The following SORCS3 variants were observed in gnomAD, a reference collection of about 807,000 sequenced individuals.
The protein encoded by SORCS3 is VPS10 domain-containing receptor SorCS3.
Under a neutral mutation model 146.3 loss-of-function variants are expected in SORCS3, and 57 were observed. The observed-to-expected ratio is 0.39, with a 90% confidence interval of 0.31 to 0.49. SORCS3 has a LOEUF of 0.49. Among genes scored for constraint, SORCS3 ranks in the 20% least tolerant of loss-of-function variants. The probability of loss-of-function intolerance (pLI) is 0.92; values close to 1 mark genes in which losing one functional copy is unlikely to be tolerated. For missense variants in SORCS3, 1,341 were observed against 1,575.5 expected (o/e 0.85, Z 2.52); for synonymous variants, 653 against 618.5 (o/e 1.06, Z -0.83).
Position 105,074,852 on chromosome 10 carries a change from C to T in SORCS3, c.1029-14923C>T, listed in dbSNP as rs887480588. 3.9e-5 allele frequency among the ~76,000 whole-genome samples: 6 copies of T among 152,124 alleles called. No individual in the cohort carries two copies. The South Asian group carries it at 6.2e-4, about 16-fold the overall frequency. On this transcript the variant is annotated intron_variant, in intron 5 of 26. Transcript: ENST00000369701. ...CCAAAATGCATGCCCCTAGCAGTCC[C>T]GAGGCAAAGACTAGGAAATTCTGAT...
At chr10:104,763,050 GC>G in intron 1 of SORCS3, among the ~76,000 whole-genome samples, 2 of 152,302 alleles carry the variant, frequency 1.3e-5, no homozygotes, top group Middle Eastern at 6.8e-3. Flanking sequence ...GAGAACTGCT[GC>G]CTTAAATGCA....
intron 1 of SORCS3, among the ~76,000 whole-genome samples, chr10:104,694,909 G>A (rs920668237): frequency 6.6e-6 from 1 of 152,164 alleles, no homozygotes; most frequent in Admixed American, 6.5e-5. Context: ...CTCTGAAAAT[G>A]TAGGTTGTAT....
At position 104,643,709 on chromosome 10, in the gene SORCS3, G is replaced by GGTGTGTGTGTGT. The variant is rs3069967; in HGVS notation, c.627+1780_627+1791dup. On this transcript the variant is annotated intron_variant, in intron 1 of 26. Transcript: ENST00000369701. The stretch of plus-strand genomic sequence containing the variant: ...AACTTCATTTTAGTTTGATAATTAG[G>GGTGTGTGTGTGT]GTGTGTGTGTGTGTGTGTGTGTGTG... Among the ~76,000 whole-genome samples, 851 of 144,710 alleles carry GGTGTGTGTGTGT rather than the reference G, an allele frequency of 5.9e-3. 10 individuals carry two copies. The highest frequency in any genetic ancestry group is 0.018 in the African/African-American group (691 of 38,228). The allele number at this position is 144,710 out of a possible 152,430, so 94.9% of individuals were successfully genotyped here.
intron 22 of SORCS3, among the ~76,000 whole-genome samples, chr10:105,250,417 A>C (rs2056891967): frequency 6.6e-6 from 1 of 152,172 alleles, no homozygotes; most frequent in Non-Finnish European, 1.5e-5. Flanking sequence ...CAATAATAAT[A>C]ATCAGTCCTG....
intron 3 of SORCS3, among the ~76,000 whole-genome samples, chr10:104,956,412 C>A (rs2019490490): frequency 6.6e-6 from 1 of 152,202 alleles, no homozygotes; most frequent in African/African-American, 2.4e-5. Context: ...CTTGTCCTTA[C>A]ACAAACTGAT....
intron 26 of SORCS3, 97 bp from the exon 27 acceptor site, chr10:105,263,213 G>C (rs534071334): frequency 1.7e-6 from 2 of 1,176,458 alleles, no homozygotes; most frequent in East Asian, 4.9e-5. Context: ...TTAAGCACCT[G>C]TTCTGGGTGG....
chr10:104,937,180 T>TC (rs1264113712), intron 3 of SORCS3, among the ~76,000 whole-genome samples: 1 of 152,166 alleles, frequency 6.6e-6, no homozygotes, highest in Non-Finnish European at 1.5e-5. Context: ...TGCCTGATGA[T>TC]CTGACAGGAG....
intron 2 of SORCS3, among the ~76,000 whole-genome samples, chr10:104,891,168 A>G (rs1350331154): frequency 6.6e-6 from 1 of 152,144 alleles, no homozygotes; most frequent in African/African-American, 2.4e-5. Context: ...GAGGTATTCT[A>G]CCTGATTCCC....
intron 4 of SORCS3, among the ~76,000 whole-genome samples, chr10:105,013,225 AC>A (rs1187826813): frequency 6.6e-6 from 1 of 152,146 alleles, no homozygotes; most frequent in Non-Finnish European, 1.5e-5. Flanking sequence ...TTATTAGCAA[AC>A]TAGGAGATGA....
At chr10:104,994,287 G>A (rs1265188022) in intron 4 of SORCS3, among the ~76,000 whole-genome samples, 5 of 152,138 alleles carry the variant, frequency 3.3e-5, no homozygotes, top group African/African-American at 1.2e-4. Context: ...TAGGGAGGAG[G>A]TCTGACCTAT....
At chr10:104,675,329 C>T (rs1253540438) in intron 1 of SORCS3, among the ~76,000 whole-genome samples, 1 of 151,970 alleles carries the variant, frequency 6.6e-6, no homozygotes, top group Non-Finnish European at 1.5e-5. Flanking sequence ...TTGTAAGTTC[C>T]TTATTTTCTG....
chr10:104,681,107 C>T (rs2015968246), intron 1 of SORCS3, among the ~76,000 whole-genome samples: 1 of 152,250 alleles, frequency 6.6e-6, no homozygotes, highest in Admixed American at 6.5e-5. Context: ...GGTCTCCCTG[C>T]TTTCCCACTT....
intron 13 of SORCS3, among the ~76,000 whole-genome samples, chr10:105,173,617 C>T (rs1443628801): frequency 6.6e-6 from 1 of 152,178 alleles, no homozygotes; most frequent in East Asian, 1.9e-4. Context: ...TGGGTGTTGA[C>T]AATCCGTTTA....
chr10:104,832,759 G>C (rs551918074), intron 1 of SORCS3, among the ~76,000 whole-genome samples: 1 of 149,772 alleles, frequency 6.7e-6, no homozygotes, highest in East Asian at 2.0e-4. Flanking sequence ...ATGAACGAAC[G>C]AACAGGTGTT....
At position 104,735,970 on chromosome 10, in the gene SORCS3, C is replaced by T. The variant is rs574912608; in HGVS notation, c.627+94016C>T. On this transcript the variant is annotated intron_variant, in intron 1 of 26. Transcript: ENST00000369701. ...GGTGACGCCAAATGTCTGAATCTCT[C>T]CCTCTTTTCTTTTTCTTCTTCTTTT... 5.3e-5 allele frequency among the ~76,000 whole-genome samples: 8 copies of T among 152,256 alleles called. No individual in the cohort carries two copies. In the South Asian group the frequency reaches 1.7e-3, roughly 32 times the overall value.
intron 5 of SORCS3, among the ~76,000 whole-genome samples, chr10:105,057,460 G>C (rs2055453255): frequency 6.6e-6 from 1 of 152,082 alleles, no homozygotes; most frequent in Admixed American, 6.6e-5. Context: ...CCATAGCGTA[G>C]ACACTGCTTG....
intron 4 of SORCS3, among the ~76,000 whole-genome samples, chr10:104,977,730 C>CTTTTTTTTTTTTT (rs796233007): frequency 4.1e-5 from 5 of 122,912 alleles, no homozygotes; most frequent in African/African-American, 9.0e-5. Context: ...CTTTTCTTTT[C>CTTTTTTTTTTTTT]TTTTTTTTTT....
At chr10:104,939,012 T>G in intron 3 of SORCS3, among the ~76,000 whole-genome samples, 1 of 152,332 alleles carries the variant, frequency 6.6e-6, no homozygotes, top group South Asian at 2.1e-4. Flanking sequence ...GCACCTGAAC[T>G]TGGCTACTGC....
intron 1 of SORCS3, among the ~76,000 whole-genome samples, chr10:104,702,989 A>G (rs1306416122): frequency 2.0e-5 from 3 of 152,176 alleles, no homozygotes; most frequent in Admixed American, 6.5e-5. Context: ...GGAAAGGCCT[A>G]CCCTTATAGA....
Sources: gnomAD v4.1 joint callset for allele counts (sites outside exome capture counted in the v4.1 genomes callset) on GRCh38, gnomAD v4.1.1 for gene constraint, MANE v1.5 for transcripts, NCBI Gene and HGNC (gene_info 2026-07-23, HGNC 2026-07-21) for gene names.